CTNNA2: variants seen among roughly 807,000 people sequenced by gnomAD.
The protein encoded by CTNNA2 is catenin alpha 2, also known as catenin alpha-2.
In CTNNA2, 42 loss-of-function variants were observed where a neutral mutation model predicts 101.0. That is an observed-to-expected ratio of 0.42 (90% CI 0.32 to 0.54). CTNNA2 has a LOEUF of 0.54. CTNNA2 is among the 20% of genes least tolerant of loss of function. The pLI, the probability that CTNNA2 is intolerant of heterozygous loss-of-function variation, is 0.14. For missense variants in CTNNA2, 871 were observed against 1,223.1 expected (o/e 0.71, Z 4.29); for synonymous variants, 450 against 456.4 (o/e 0.99, Z 0.18).
intron 7 of CTNNA2, among the ~76,000 whole-genome samples, chr2:80,214,114 A>T (rs112589335): frequency 1.3e-5 from 2 of 152,054 alleles, no homozygotes; most frequent in Non-Finnish European, 2.9e-5. Flanking sequence ...GTCTCTGCAC[A>T]TGAGATGGGT....
chr2:79,808,203 G>A (rs1371401916), intron 3 of CTNNA2, among the ~76,000 whole-genome samples: 2 of 152,102 alleles, frequency 1.3e-5, no homozygotes, highest in African/African-American at 4.8e-5. Context: ...CTTATCTACT[G>A]TGCCAGTTGG....
At chr2:79,439,616 G>A (rs965784570) in intron 4 of CTNNA2, among the ~76,000 whole-genome samples, 6 of 152,080 alleles carry the variant, frequency 3.9e-5, no homozygotes, top group African/African-American at 1.4e-4. Context: ...GATCAATTTG[G>A]GATCTTGCTA....
chr2:80,041,557 CT>C (rs1696058416), intron 7 of CTNNA2, among the ~76,000 whole-genome samples: 1 of 152,100 alleles, frequency 6.6e-6, no homozygotes, highest in African/African-American at 2.4e-5. Context: ...ACTTTTCCCC[CT>C]GACATGACTA....
At chr2:80,240,240 A>G (rs1670816723) in intron 7 of CTNNA2, among the ~76,000 whole-genome samples, 1 of 152,228 alleles carries the variant, frequency 6.6e-6, no homozygotes, top group Non-Finnish European at 1.5e-5. Context: ...ACTCTAAGAC[A>G]CACATGAAAT....
intron 2 of CTNNA2, among the ~76,000 whole-genome samples, chr2:79,294,171 C>G (rs575795015): frequency 6.4e-4 from 91 of 143,208 alleles, no homozygotes; most frequent in Non-Finnish European, 1.2e-3. Flanking sequence ...GCATGGCAGA[C>G]AGAGAGAGAG....
chr2:80,442,250 G>A (rs1390652009), intron 9 of CTNNA2, among the ~76,000 whole-genome samples: 1 of 152,200 alleles, frequency 6.6e-6, no homozygotes, highest in African/African-American at 2.4e-5. Context: ...GGGCATTCAT[G>A]AGTCTATTCT....
intron 3 of CTNNA2, among the ~76,000 whole-genome samples, chr2:79,769,791 T>G (rs1673441156): frequency 6.6e-6 from 1 of 152,228 alleles, no homozygotes; most frequent in Admixed American, 6.5e-5. Flanking sequence ...AATGGAATCC[T>G]GATTATTATT....
intron 7 of CTNNA2, among the ~76,000 whole-genome samples, chr2:80,062,683 T>C (rs1444902568): frequency 6.6e-6 from 1 of 151,640 alleles, no homozygotes; most frequent in Non-Finnish European, 1.5e-5. Flanking sequence ...TCCTCTTCTA[T>C]GAAGCACTGC....
chr2:79,268,617 A>C (rs1675019287), intron 2 of CTNNA2, among the ~76,000 whole-genome samples: 1 of 152,098 alleles, frequency 6.6e-6, no homozygotes, highest in Non-Finnish European at 1.5e-5. Context: ...AGCCAGGGGC[A>C]GTCTTGAGGA....
Position 80,302,135 on chromosome 2 carries a change from T to G in CTNNA2, c.1057-91076T>G. Reference sequence around the variant, plus strand: ...TCTCTGGGAGAGATCCCCTTAAAGTTTCAGTCAAGGAGCATATCAGAGCAC... The same window carrying G: ...TCTCTGGGAGAGATCCCCTTAAAGTGTCAGTCAAGGAGCATATCAGAGCAC... On this transcript the variant is annotated intron_variant, in intron 7 of 18. Transcript: ENST00000402739. The surrounding 1 kb of genome is among the most constrained non-coding windows in gnomAD (Gnocchi z 6.4). The G allele has an allele frequency of 7.6e-7, 1 of 1,312,324 alleles. No homozygotes were observed. The highest frequency in any genetic ancestry group is 1.0e-6 in the Non-Finnish European group (1 of 975,630). The allele number at this position is 1,312,324 out of a possible 1,614,324, so 81.3% of individuals were successfully genotyped here.
In CTNNA2 at chr2:80,302,229, G is replaced by A; in HGVS notation, c.1057-90982G>A. The A allele has an allele frequency of 2.5e-6, 4 of 1,602,808 alleles. No individual in the cohort carries two copies. Among genetic ancestry groups the A allele is most frequent in the Non-Finnish European group, 3.4e-6 (4 of 1,174,128 alleles). ...TGCCCAGGCGTATTTGGTAGCGCAT[G>A]GGTTGAGAGCCACTGGGACAATCAC... is the stretch of plus-strand genomic sequence containing the variant. On this transcript the variant is annotated intron_variant, in intron 7 of 18. Transcript: ENST00000402739. This position sits in a 1 kb window ranked among gnomAD's most constrained non-coding sequence, Gnocchi z 6.4.
rs1161384853 is a variant in CTNNA2, at chr2:80,462,627, C to CTTTTTTTT, written c.1290+43029_1290+43030insTTTTTTTT. 5.3e-4 allele frequency among the ~76,000 whole-genome samples: 61 copies of CTTTTTTTT among 114,316 alleles called. 1 individual carries two copies. Among genetic ancestry groups the CTTTTTTTT allele is most frequent in the African/African-American group, 2.1e-3 (56 of 26,902 alleles). The allele number at this position is 114,316 out of a possible 152,430, so 75.0% of individuals were successfully genotyped here. On this transcript the variant is annotated intron_variant, in intron 9 of 18. Transcript: ENST00000402739. ...TCTCCCTTCCTTTCCTTCTTTCTTT[C>CTTTTTTTT]TTTCTTTTTTTTTTTTTTTTTTTTT...
rs1002557174 is a variant in CTNNA2 at position 80,574,875 on chromosome 2, A to C, written c.1893+561A>C. On this transcript the variant is annotated intron_variant, in intron 13 of 18. Coordinates refer to ENST00000402739, the MANE Select transcript of CTNNA2 (RefSeq NM_001282597.3). ...TGTTGTTAGGTAGGTGTGTCTTCCA[A>C]AATGTTGTCTAAATAATTAATATAT... 7.9e-5 allele frequency among the ~76,000 whole-genome samples: 12 copies of C among 152,306 alleles called. 1 individual carries two copies. In the Middle Eastern group the frequency reaches 0.014, roughly 173 times the overall value.
chr2:80,385,891 T>G (rs1035566900), intron 7 of CTNNA2, among the ~76,000 whole-genome samples: 1 of 152,194 alleles, frequency 6.6e-6, no homozygotes, highest in Non-Finnish European at 1.5e-5. Flanking sequence ...GTGATTCTAC[T>G]GCTGATTCTC....
intron 2 of CTNNA2, among the ~76,000 whole-genome samples, chr2:79,238,719 T>TA (rs1674587646): frequency 6.6e-6 from 1 of 152,190 alleles, no homozygotes; most frequent in Non-Finnish European, 1.5e-5. Context: ...TGATTTGACT[T>TA]ACCATTAATG....
At chr2:80,075,667 T>A (rs185934316) in intron 7 of CTNNA2, among the ~76,000 whole-genome samples, 3,545 of 78,390 alleles carry the variant, frequency 0.045, 273 homozygotes, top group African/African-American at 0.12. Flanking sequence ...TATTTATACA[T>A]GTATAAATAT....
At chr2:80,459,493 C>G (rs1020129831) in intron 9 of CTNNA2, among the ~76,000 whole-genome samples, 3 of 152,102 alleles carry the variant, frequency 2.0e-5, no homozygotes, top group Non-Finnish European at 2.9e-5. Context: ...TTTTCTTATC[C>G]TGCTTATCTT....
At chr2:79,648,966 T>A (rs939826791) in intron 1 of CTNNA2, among the ~76,000 whole-genome samples, 27 of 152,196 alleles carry the variant, frequency 1.8e-4, no homozygotes, top group African/African-American at 6.5e-4. Flanking sequence ...CTAAAAAGAT[T>A]GATCCTCAAA....
At chr2:79,604,509 G>C (rs567908650) in intron 1 of CTNNA2, among the ~76,000 whole-genome samples, 1 of 152,188 alleles carries the variant, frequency 6.6e-6, no homozygotes, top group Non-Finnish European at 1.5e-5. Context: ...AATCTGAAGT[G>C]TCTAGACTTT....
Sources: allele counts gnomAD v4.1 joint callset (sites outside exome capture counted in the v4.1 genomes callset), GRCh38; gene constraint gnomAD v4.1.1; non-coding constraint Gnocchi (gnomAD v3.1); transcripts MANE v1.5; gene names NCBI Gene and HGNC (gene_info 2026-07-23, HGNC 2026-07-21).